Variants in LHX6 observed in about 807,000 individuals in gnomAD.
LHX6 encodes the protein LIM/homeobox protein Lhx6.
LHX6 carries 15 observed loss-of-function variants against 47.1 expected under a neutral mutation model. The ratio of observed to expected loss-of-function variants is 0.32; its 90% CI spans 0.21 to 0.49. The LOEUF (loss-of-function observed/expected upper bound fraction) is 0.49. Among genes scored for constraint, LHX6 ranks in the 20% least tolerant of loss-of-function variants. LHX6 has a pLI of 0.99. For synonymous variants in LHX6, 242 were observed against 233.5 expected, an observed-to-expected ratio of 1.04 and a Z score of -0.33; for missense variants, 404 against 539.6, an observed-to-expected ratio of 0.75 and a Z score of 2.49.
intron 1 of LHX6, chr9:122,228,434 G>A: frequency 6.9e-7 from 1 of 1,455,668 alleles, no homozygotes; most frequent in Non-Finnish European, 9.0e-7. Flanking sequence ...TTACTAAATC[G>A]CTTTTTGAGA....
Position 122,228,756 on chromosome 9 carries a change from G to A in LHX6, c.-16C>T, listed in dbSNP as rs974613925. On this transcript the variant is annotated 5_prime_UTR_variant, in exon 1 of 10. Transcript: ENST00000394319. ...TCCAGTACATGGGCCGGGGAACCTC[G>A]GGCTCAGCGGGCGCGCAGCGCGGAG... 5 of 1,244,758 alleles carry A rather than the reference G, an allele frequency of 4.0e-6. No homozygotes were observed. The highest frequency in any genetic ancestry group is 4.0e-6 in the Non-Finnish European group (4 of 990,686). 77.1% of individuals were successfully genotyped at this position (1,244,758 alleles called of 1,614,324 possible). A position where few individuals can be genotyped will look rare whatever the true frequency, so the allele number is the denominator to read the frequency against.
At chr9:122,222,638 C>T (rs1238471192) in intron 4 of LHX6, among the ~76,000 whole-genome samples, 1 of 152,184 alleles carries the variant, frequency 6.6e-6, no homozygotes, top group Non-Finnish European at 1.5e-5. Context: ...CTTTGCAGAC[C>T]CTCTCCCTGG....
At chr9:122,222,388 A>T (rs527279054) in intron 4 of LHX6, among the ~76,000 whole-genome samples, 6 of 152,326 alleles carry the variant, frequency 3.9e-5, no homozygotes, top group African/African-American at 1.4e-4. Flanking sequence ...AGAAATTAAG[A>T]GTCCTGTCAC....
chr9:122,217,739 G>A lies in LHX6; in HGVS notation c.462-451C>T, dbSNP rs1040463760. Reference sequence around the variant, plus strand: ...AAAGTAACTTGCAGGAGGTCACACCGCTTGCAATGATAGGAACCCTAGCGA... The same window carrying A: ...AAAGTAACTTGCAGGAGGTCACACCACTTGCAATGATAGGAACCCTAGCGA... On this transcript the variant is annotated intron_variant, in intron 4 of 9. Coordinates refer to ENST00000394319, the MANE Select transcript of LHX6 (RefSeq NM_014368.5). The surrounding 1 kb of genome is among the most constrained non-coding windows in gnomAD (Gnocchi z 4.9). Among the ~76,000 whole-genome samples, 3 of 152,160 alleles carry A rather than the reference G, an allele frequency of 2.0e-5. No homozygotes were observed. The highest frequency in any genetic ancestry group is 1.9e-4 in the East Asian group (1 of 5,196).
At position 122,203,717 on chromosome 9, in the gene LHX6, T is replaced by C. The variant is rs989709036; in HGVS notation, c.*1043A>G. On this transcript the variant is annotated 3_prime_UTR_variant, in exon 10 of 10. Coordinates refer to ENST00000394319, the MANE Select transcript of LHX6 (RefSeq NM_014368.5). ...GAATCCTGAGCTTGGCACACTCACCTAGGCAATGGGCACCCTCTCTCTACT... is the reference window on the plus strand; with the variant it reads ...GAATCCTGAGCTTGGCACACTCACCCAGGCAATGGGCACCCTCTCTCTACT... 1 of 152,634 alleles carries C rather than the reference T, an allele frequency of 6.6e-6. No homozygotes were observed. The highest frequency in any genetic ancestry group is 2.4e-5 in the African/African-American group (1 of 41,422). The allele number at this position is 152,634 out of a possible 1,614,324, so 9.5% of individuals were successfully genotyped here.
intron 9 of LHX6, among the ~76,000 whole-genome samples, chr9:122,209,212 G>A (rs975127345): frequency 1.8e-4 from 28 of 152,342 alleles, no homozygotes; most frequent in African/African-American, 6.0e-4. Flanking sequence ...TCACTGGCTG[G>A]CCAGCTATCC....
rs1831226800 is a variant in LHX6 at position 122,228,929 on chromosome 9, C to T, written c.-189G>A. The T allele has an allele frequency of 1.5e-5, 3 of 201,644 alleles. No individual in the cohort carries two copies. Among genetic ancestry groups the T allele is most frequent in the Non-Finnish European group, 2.9e-5 (3 of 103,580 alleles). The allele number at this position is 201,644 out of a possible 1,614,324, so 12.5% of individuals were successfully genotyped here. Reference sequence around the variant, plus strand: ...GCAGCCCCGGCCTCCCTGGCTGCTGCCGCCGCTGCCTCGGAAGAAGGTCCC... The same window carrying T: ...GCAGCCCCGGCCTCCCTGGCTGCTGTCGCCGCTGCCTCGGAAGAAGGTCCC... On this transcript the variant is annotated 5_prime_UTR_variant, in exon 1 of 10. Transcript: ENST00000394319.
intron 8 of LHX6, among the ~76,000 whole-genome samples, chr9:122,210,810 A>G (rs9299278): frequency 1 from 152,254 of 152,256 alleles, 76,126 homozygotes; most frequent in Non-Finnish European, 1. Context: ...TGATCTGCCC[A>G]CCTCGGCCTC....
At chr9:122,211,316 C>G (rs1047302462) in intron 8 of LHX6, among the ~76,000 whole-genome samples, 1 of 152,158 alleles carries the variant, frequency 6.6e-6, no homozygotes, top group African/African-American at 2.4e-5. Flanking sequence ...AGTTCTTCAC[C>G]TGGGGTGTTC....
intron 4 of LHX6, among the ~76,000 whole-genome samples, chr9:122,219,600 G>A (rs949659349): frequency 2.0e-5 from 3 of 152,190 alleles, no homozygotes; most frequent in African/African-American, 7.2e-5. Flanking sequence ...CCAGCCGCGC[G>A]TAGAGACCTT....
chr9:122,213,615 A>G lies in LHX6; in HGVS notation c.1045T>C (p.Tyr349His), dbSNP rs779843806. Residue 349 changes from tyrosine to histidine, a missense_variant, in exon 8 of 10, where the codon TAC becomes CAC. By Grantham distance (83) the Tyr-to-His change is moderately conservative (BLOSUM62 2). This residue lies in a region of LHX6 where 127 missense variants were observed against 116.1 expected (regional missense o/e 1.09). Transcript: ENST00000394319. This position sits in a 1 kb window ranked among gnomAD's most constrained non-coding sequence, Gnocchi z 5.5. ...ERARMVTLHG[Y>H]IESQVQCGQV... ...CGCTGCGGTTACTTACTCTCAATGT[A>G]GCCGTGCAGGGTGACCATGCGCGCC... The G allele has an allele frequency of 1.3e-6, 2 of 1,594,648 alleles. No individual in the cohort carries two copies. The highest frequency in any genetic ancestry group is 1.7e-6 in the Non-Finnish European group (2 of 1,171,012).
chr9:122,226,912 G>T lies in LHX6; in HGVS notation c.275C>A (p.Pro92Gln), dbSNP rs865857751. ...GGAGCAGATGTTCTTGCCTGCAGAC[G>T]GCACGGAGGAGGCGGCAGAGGGCGG... ...CSPPSAASSV[P>Q]SAGKNICSSC... is the part of the protein sequence containing the mutation. Residue 92 changes from proline to glutamine, a missense_variant, in exon 3 of 10, where the codon CCG becomes CAG. Physicochemically the swap from Pro to Gln is moderately conservative, Grantham distance 76. Transcript: ENST00000394319. This position sits in a 1 kb window ranked among gnomAD's most constrained non-coding sequence, Gnocchi z 6.5. The T allele has an allele frequency of 3.2e-6, 5 of 1,563,394 alleles. No homozygotes were observed. Among genetic ancestry groups the T allele is most frequent in the South Asian group, 1.2e-5 (1 of 84,870 alleles).
chr9:122,220,080 AG>A (rs919573551), intron 4 of LHX6, among the ~76,000 whole-genome samples: 1 of 152,256 alleles, frequency 6.6e-6, no homozygotes, highest in Non-Finnish European at 1.5e-5. Flanking sequence ...CCCCTTGGCC[AG>A]GGACACGTCA....
intron 4 of LHX6, among the ~76,000 whole-genome samples, chr9:122,224,179 C>T (rs1830994730): frequency 6.6e-6 from 1 of 152,050 alleles, no homozygotes; most frequent in African/African-American, 2.4e-5. Flanking sequence ...AGGCACGTGC[C>T]ACCACACCTG....
At chr9:122,218,110 C>G (rs1478664065) in intron 4 of LHX6, among the ~76,000 whole-genome samples, 1 of 152,302 alleles carries the variant, frequency 6.6e-6, no homozygotes, top group African/African-American at 2.4e-5. Flanking sequence ...TCTCCTTCTC[C>G]CTTCTGGTTT....
At chr9:122,220,517 C>T (rs1462033071) in intron 4 of LHX6, among the ~76,000 whole-genome samples, 1 of 152,236 alleles carries the variant, frequency 6.6e-6, no homozygotes, top group Non-Finnish European at 1.5e-5. Context: ...GCCGGAGCCA[C>T]TGGATTCCAG....
rs564514466 is a variant in LHX6 at position 122,220,528 on chromosome 9, A to G, written c.462-3240T>C. Among the ~76,000 whole-genome samples the G allele has an allele frequency of 7.2e-5, 11 of 152,362 alleles. No homozygotes were observed. The East Asian group carries it at 2.1e-3, about 29-fold the overall frequency. ...CGAGGCCGGAGCCACTGGATTCCAG[A>G]CACAGCGAAATCGGCGGCGGAGACA... On this transcript the variant is annotated intron_variant, in intron 4 of 9. Coordinates refer to ENST00000394319, the MANE Select transcript of LHX6 (RefSeq NM_014368.5).
chr9:122,224,820 C>A (rs1176860001), intron 4 of LHX6, among the ~76,000 whole-genome samples: 2 of 152,190 alleles, frequency 1.3e-5, no homozygotes, highest in African/African-American at 2.4e-5. Flanking sequence ...CACATGCTAT[C>A]TACATACCCC....
At chr9:122,221,101 G>C (rs1044768036) in intron 4 of LHX6, 1 of 985,322 alleles carries the variant, frequency 1.0e-6, no homozygotes, top group Non-Finnish European at 1.2e-6. Context: ...CTTATTTTAG[G>C]TTCAAGACCT....
Sources: allele counts gnomAD v4.1 joint callset (sites outside exome capture counted in the v4.1 genomes callset), GRCh38; gene constraint gnomAD v4.1.1; regional missense constraint gnomAD v4.1.1; non-coding constraint Gnocchi (gnomAD v3.1); transcripts MANE v1.5; gene names NCBI Gene and HGNC (gene_info 2026-07-23, HGNC 2026-07-21).